SPTBN1: variants seen among roughly 807,000 people sequenced by gnomAD.
SPTBN1 encodes spectrin beta, non-erythrocytic 1, also known as spectrin beta chain, non-erythrocytic 1.
A neutral mutation model predicts 266.4 loss-of-function variants in SPTBN1; 32 were observed. That is an observed-to-expected ratio of 0.12 (90% CI 0.09 to 0.16). The LOEUF (loss-of-function observed/expected upper bound fraction) is 0.16, where lower values mean the gene tolerates loss of function less well. SPTBN1 is among the 10% of genes least tolerant of loss of function. SPTBN1 has a pLI of 1.00. For synonymous variants in SPTBN1, 1,336 were observed against 1,162.2 expected (o/e 1.15, Z -3.04); for missense variants, 2,296 against 3,067.1 (o/e 0.75, Z 5.94).
At position 54,558,488 on chromosome 2, in the gene SPTBN1, T is replaced by C; in HGVS notation, c.148+31922T>C. ...AAAGTTCTGAAGTAGAACCTGCGCC[T>C]CCTCTCTGCTTCTCCCTCCTCCTCA... On this transcript the variant is annotated intron_variant, in intron 2 of 35. Transcript: ENST00000356805. The surrounding 1 kb of genome is among the most constrained non-coding windows in gnomAD (Gnocchi z 4.6). 15 of 1,146,046 alleles carry C rather than the reference T, an allele frequency of 1.3e-5. No individual in the cohort carries two copies. The highest frequency in any genetic ancestry group is 1.6e-5 in the Non-Finnish European group (15 of 932,108). 71.0% of individuals were successfully genotyped at this position (1,146,046 alleles called of 1,614,324 possible). A position where few individuals can be genotyped will look rare whatever the true frequency, so the allele number is the denominator to read the frequency against.
chr2:54,571,576 TACACACACACAC>T (rs67239523), intron 2 of SPTBN1, among the ~76,000 whole-genome samples: 13 of 100,656 alleles, frequency 1.3e-4, no homozygotes, highest in African/African-American at 3.0e-4. Flanking sequence ...CACACACACA[TACACACACACAC>T]ACACACACAC....
intron 3 of SPTBN1, among the ~76,000 whole-genome samples, chr2:54,600,821 G>T (rs1194569324): frequency 1.6e-4 from 22 of 141,420 alleles, no homozygotes; most frequent in Non-Finnish European, 2.3e-4. Flanking sequence ...TATTTTTGTG[G>T]TTTTTTTTTT....
At chr2:54,475,227 G>A (rs1667766456) in intron 1 of SPTBN1, among the ~76,000 whole-genome samples, 1 of 151,944 alleles carries the variant, frequency 6.6e-6, no homozygotes, top group South Asian at 2.1e-4. Context: ...AAGAAAAGTG[G>A]ATGTATCCCT....
intron 2 of SPTBN1, among the ~76,000 whole-genome samples, chr2:54,568,250 G>A (rs919944673): frequency 6.0e-5 from 9 of 150,852 alleles, no homozygotes; most frequent in Non-Finnish European, 1.3e-4. Flanking sequence ...TTGTGGTGGC[G>A]CACATGTGTA....
chr2:54,576,123 C>T (rs1462902009), intron 2 of SPTBN1, among the ~76,000 whole-genome samples: 3 of 131,378 alleles, frequency 2.3e-5, no homozygotes, highest in Non-Finnish European at 3.1e-5. Context: ...GGTGCGATCT[C>T]GGCTCACTGC....
chr2:54,509,271 C>T lies in SPTBN1; in HGVS notation c.-47-17101C>T, dbSNP rs569840923. Among the ~76,000 whole-genome samples, 254 of 152,178 alleles carry T rather than the reference C, an allele frequency of 1.7e-3. 1 individual carries two copies. The highest frequency in any genetic ancestry group is 5.8e-3 in the Admixed American group (88 of 15,302). Reference sequence around the variant, plus strand: ...TACAGTCATGGGAGTCAGATGTATCCGGAATAGTGTGGGAGGCTGGATTGA... The same window carrying T: ...TACAGTCATGGGAGTCAGATGTATCTGGAATAGTGTGGGAGGCTGGATTGA... On this transcript the variant is annotated intron_variant, in intron 1 of 35. Transcript: ENST00000356805.
chr2:54,546,545 C>G (rs1359066860), intron 2 of SPTBN1: 1 of 152,114 alleles, frequency 6.6e-6, no homozygotes. Flanking sequence ...GACTCAATCT[C>G]AAAGATGCTG....
rs993408417 is a variant in SPTBN1 at position 54,591,171 on chromosome 2, C to T, written c.149-7921C>T. On this transcript the variant is annotated intron_variant, in intron 2 of 35. Transcript: ENST00000356805. ...GTTCATTGAGGGTAAGAGACTTTATCTTAGACACAGAGTTCTAGGTAAAGT... is the reference window on the plus strand; with the variant it reads ...GTTCATTGAGGGTAAGAGACTTTATTTTAGACACAGAGTTCTAGGTAAAGT... Among the ~76,000 whole-genome samples the T allele has an allele frequency of 1.5e-4, 23 of 152,310 alleles. 1 individual carries two copies. The highest frequency in any genetic ancestry group is 1.2e-3 in the Admixed American group (18 of 15,308).
chr2:54,634,232 T>C (rs1678960074), intron 17 of SPTBN1, among the ~76,000 whole-genome samples: 1 of 152,198 alleles, frequency 6.6e-6, no homozygotes, highest in Non-Finnish European at 1.5e-5. Context: ...CTCGGTTTCT[T>C]TTTATGTCCC....
chr2:54,654,982 T>G, intron 27 of SPTBN1, 88 bp from the exon 28 acceptor site: 34 of 1,460,984 alleles, frequency 2.3e-5, no homozygotes, highest in Non-Finnish European at 2.8e-5. Context: ...GGCCATCAGT[T>G]TCTTTCAAAT....
In SPTBN1 at chr2:54,495,147, A is replaced by C. The variant is rs535039511; in HGVS notation, c.-47-31225A>C. On this transcript the variant is annotated intron_variant, in intron 1 of 35. Transcript: ENST00000356805. ...GTGTAGAGAGGGCATCTCAGAGGCA[A>C]TTCTGAGAATCATAGGAGGTTGCAG... 2.8e-5 allele frequency among the ~76,000 whole-genome samples: 4 copies of C among 143,162 alleles called. No individual in the cohort carries two copies. In the East Asian group the frequency reaches 8.9e-4, roughly 32 times the overall value. 93.9% of individuals were successfully genotyped at this position (143,162 alleles called of 152,430 possible). A position where few individuals can be genotyped will look rare whatever the true frequency, so the allele number is the denominator to read the frequency against.
chr2:54,580,714 C>A (rs549696112), intron 2 of SPTBN1, among the ~76,000 whole-genome samples: 116 of 152,162 alleles, frequency 7.6e-4, no homozygotes, highest in Non-Finnish European at 9.6e-4. Flanking sequence ...CTACTGTATA[C>A]TTCCAAAAGT....
At chr2:54,580,714 C>T (rs549696112) in intron 2 of SPTBN1, among the ~76,000 whole-genome samples, 51 of 152,162 alleles carry the variant, frequency 3.4e-4, no homozygotes, top group Middle Eastern at 3.4e-3. Flanking sequence ...CTACTGTATA[C>T]TTCCAAAAGT....
At chr2:54,535,390 G>A (rs962573976) in intron 2 of SPTBN1, among the ~76,000 whole-genome samples, 3 of 152,098 alleles carry the variant, frequency 2.0e-5, no homozygotes, top group African/African-American at 4.8e-5. Context: ...GTACGTTAGC[G>A]GTTACTTCCC....
rs957404981 is a variant in SPTBN1, at chr2:54,668,794, T to C, written c.*225T>C. On this transcript the variant is annotated 3_prime_UTR_variant, in exon 36 of 36. Transcript: ENST00000356805. ...GGTGCAGAGGGAAGGCCAGATTTTT[T>C]TTTTAATGAAATTATATAGATTAGA... 3.8e-6 allele frequency: 2 copies of C among 525,166 alleles called. No individual in the cohort carries two copies. Among genetic ancestry groups the C allele is most frequent in the African/African-American group, 3.8e-5 (2 of 52,196 alleles). 32.5% of individuals were successfully genotyped at this position (525,166 alleles called of 1,614,324 possible).
At chr2:54,526,678 C>G in intron 2 of SPTBN1, 112 bp downstream of exon 2, 1 of 1,315,560 alleles carries the variant, frequency 7.6e-7, no homozygotes, top group East Asian at 2.6e-5. Context: ...TGTCTCACTT[C>G]TATTTAAATG....
rs1414870808 is a variant in SPTBN1 at position 54,653,856 on chromosome 2, A to G, written c.5822+3A>G. ...ATCGAGGCCCAGGAGAAGCCAAGGT[A>G]ACGCTTTCAGCCCAAAGGAAATTGG... On this transcript the variant is annotated splice_donor_region_variant and intron_variant, in intron 27 of 35. Transcript: ENST00000356805. The surrounding 1 kb of genome is among the most constrained non-coding windows in gnomAD (Gnocchi z 5.1). 6.2e-7 allele frequency: 1 copy of G among 1,609,212 alleles called. No homozygotes were observed. Among genetic ancestry groups the G allele is most frequent in the Non-Finnish European group, 8.5e-7 (1 of 1,178,820 alleles).
intron 1 of SPTBN1, among the ~76,000 whole-genome samples, chr2:54,490,382 G>C (rs949542143): frequency 2.0e-5 from 3 of 152,106 alleles, no homozygotes; most frequent in Non-Finnish European, 4.4e-5. Flanking sequence ...TGTTTATGAA[G>C]ATTTTATAAA....
chr2:54,568,474 G>C (rs890277371), intron 2 of SPTBN1, among the ~76,000 whole-genome samples: 1 of 150,820 alleles, frequency 6.6e-6, no homozygotes, highest in Non-Finnish European at 1.5e-5. Flanking sequence ...TGGTTTTTTT[G>C]AATAAACTGG....
Sources: gnomAD v4.1 joint callset for allele counts (sites outside exome capture counted in the v4.1 genomes callset) on GRCh38, gnomAD v4.1.1 for gene constraint, Gnocchi (gnomAD v3.1) non-coding constraint, MANE v1.5 for transcripts, NCBI Gene and HGNC (gene_info 2026-07-23, HGNC 2026-07-21) for gene names.